GAB2: variants seen among roughly 807,000 people sequenced by gnomAD.
The protein encoded by GAB2 is GRB2-associated-binding protein 2.
In GAB2, 26 loss-of-function variants were observed where a neutral mutation model predicts 65.5. That is an observed-to-expected ratio of 0.40 (90% CI 0.29 to 0.55). GAB2 has a LOEUF of 0.55. Among genes scored for constraint, GAB2 ranks in the 20% least tolerant of loss-of-function variants. The probability of loss-of-function intolerance (pLI) is 0.53; values close to 1 mark genes in which losing one functional copy is unlikely to be tolerated. For synonymous variants in GAB2, 321 were observed against 329.6 expected (o/e 0.97, Z 0.28); for missense variants, 884 against 875.8 (o/e 1.01, Z -0.12).
intron 1 of GAB2, among the ~76,000 whole-genome samples, chr11:78,340,354 G>C (rs1015655265): frequency 6.6e-6 from 1 of 152,188 alleles, no homozygotes; most frequent in Non-Finnish European, 1.5e-5. Context: ...GATGAACAAA[G>C]ATGGGCTGAG....
At chr11:78,235,452 G>A (rs1374848938) in intron 3 of GAB2, among the ~76,000 whole-genome samples, 2 of 152,088 alleles carry the variant, frequency 1.3e-5, no homozygotes, top group African/African-American at 4.8e-5. Flanking sequence ...GCGCCCGGCT[G>A]GGTGTTTCTT....
intron 2 of GAB2, among the ~76,000 whole-genome samples, chr11:78,273,252 C>T (rs1866069727): frequency 2.0e-5 from 3 of 152,370 alleles, no homozygotes; most frequent in African/African-American, 7.2e-5. Context: ...ACAGCTTGCA[C>T]TGTGTGCCTG....
intron 1 of GAB2, among the ~76,000 whole-genome samples, chr11:78,322,588 T>C (rs1469212651): frequency 6.6e-6 from 1 of 151,750 alleles, no homozygotes; most frequent in Non-Finnish European, 1.5e-5. Flanking sequence ...AGAATCTTTA[T>C]CTAAGAACTT....
rs1565168251 is a variant in GAB2, at chr11:78,346,711, ATATATATATAAT to A, written c.76-65822_76-65811del. ...TATATATATATATATATATATATAT[ATATATATATAAT>A]TTTTTTTTTTTTTAGGAAAAGAAAC... On this transcript the variant is annotated intron_variant, in intron 1 of 9. Transcript: ENST00000361507. 1.2e-4 allele frequency among the ~76,000 whole-genome samples: 7 copies of A among 60,206 alleles called. No homozygotes were observed. The East Asian group carries it at 2.4e-3, about 21-fold the overall frequency. The allele number at this position is 60,206 out of a possible 152,430, so 39.5% of individuals were successfully genotyped here.
chr11:78,378,017 G>A (rs1856653141), intron 1 of GAB2, among the ~76,000 whole-genome samples: 1 of 152,200 alleles, frequency 6.6e-6, no homozygotes, highest in Non-Finnish European at 1.5e-5. Flanking sequence ...CCACGTGAGT[G>A]TCAGGTGAGG....
intron 1 of GAB2, among the ~76,000 whole-genome samples, chr11:78,301,045 C>T (rs574661236): frequency 1.1e-4 from 16 of 152,188 alleles, no homozygotes; most frequent in Admixed American, 9.8e-4. Context: ...TGGTAAGCAA[C>T]TTTCCATGTG....
At chr11:78,317,882 A>G (rs1414470558) in intron 1 of GAB2, among the ~76,000 whole-genome samples, 1 of 152,136 alleles carries the variant, frequency 6.6e-6, no homozygotes, top group Non-Finnish European at 1.5e-5. Flanking sequence ...AAGAAGATTA[A>G]ACTACATTAC....
At chr11:78,396,727 A>T (rs984032635) in intron 1 of GAB2, among the ~76,000 whole-genome samples, 1 of 152,142 alleles carries the variant, frequency 6.6e-6, no homozygotes, top group African/African-American at 2.4e-5. Context: ...CCACCCGAGC[A>T]GCTGAGATTA....
chr11:78,239,430 A>G (rs1189589250), intron 3 of GAB2, among the ~76,000 whole-genome samples: 4 of 152,154 alleles, frequency 2.6e-5, no homozygotes, highest in Non-Finnish European at 4.4e-5. Flanking sequence ...CATGTTGGTC[A>G]GGCTGGTCTT....
intron 1 of GAB2, among the ~76,000 whole-genome samples, chr11:78,408,399 T>C (rs1194293677): frequency 6.6e-6 from 1 of 152,060 alleles, no homozygotes; most frequent in African/African-American, 2.4e-5. Flanking sequence ...TATAGAGAGA[T>C]ACACTCAAAA....
chr11:78,242,932 G>A (rs1865181827), intron 3 of GAB2, among the ~76,000 whole-genome samples: 1 of 152,144 alleles, frequency 6.6e-6, no homozygotes, highest in Admixed American at 6.5e-5. Context: ...GGAGGCTGAG[G>A]CGGACAGATC....
intron 1 of GAB2, among the ~76,000 whole-genome samples, chr11:78,391,577 C>T (rs1856834542): frequency 6.6e-6 from 1 of 152,218 alleles, no homozygotes; most frequent in Admixed American, 6.5e-5. Flanking sequence ...TGAGAGGAAG[C>T]CTGGGCTCCA....
At chr11:78,319,936 T>C (rs1855690716) in intron 1 of GAB2, among the ~76,000 whole-genome samples, 1 of 151,170 alleles carries the variant, frequency 6.6e-6, no homozygotes, top group African/African-American at 2.4e-5. Context: ...AGTGCACCGG[T>C]GTGATCTCGG....
At chr11:78,246,636 T>C (rs940890372) in intron 3 of GAB2, among the ~76,000 whole-genome samples, 3 of 152,022 alleles carry the variant, frequency 2.0e-5, no homozygotes, top group Non-Finnish European at 2.9e-5. Context: ...GTAGCTGGGA[T>C]TACAGGGGCC....
intron 3 of GAB2, among the ~76,000 whole-genome samples, chr11:78,229,928 T>C (rs1864791263): frequency 6.6e-6 from 1 of 152,206 alleles, no homozygotes; most frequent in African/African-American, 2.4e-5. Context: ...CATTCTTACA[T>C]CCTCTACCTC....
chr11:78,347,486 C>T (rs1856210049), intron 1 of GAB2, among the ~76,000 whole-genome samples: 2 of 152,276 alleles, frequency 1.3e-5, no homozygotes, highest in South Asian at 4.1e-4. Flanking sequence ...GTTAATACTT[C>T]TGAGACTTCT....
intron 1 of GAB2, among the ~76,000 whole-genome samples, chr11:78,380,822 T>C (rs1300431257): frequency 8.6e-6 from 1 of 115,924 alleles, no homozygotes; most frequent in Non-Finnish European, 1.6e-5. Context: ...GCGCCAGAGA[T>C]AAGACCATCT....
intron 2 of GAB2, among the ~76,000 whole-genome samples, chr11:78,255,391 C>T (rs1365465485): frequency 6.6e-6 from 1 of 152,158 alleles, no homozygotes; most frequent in Non-Finnish European, 1.5e-5. Context: ...TCCTAGGAAA[C>T]CAATATATAC....
rs556939816 is a variant in GAB2 at position 78,292,343 on chromosome 11, C to T, written c.76-11442G>A. Among the ~76,000 whole-genome samples the T allele has an allele frequency of 3.6e-4, 55 of 152,258 alleles. 1 individual carries two copies. Among genetic ancestry groups the T allele is most frequent in the African/African-American group, 1.2e-3 (51 of 41,540 alleles). On this transcript the variant is annotated intron_variant, in intron 1 of 9. Transcript: ENST00000361507. ...CTTCTACAACCTTAGCCACAAGGCA[C>T]GTGAGATTTGGTATCAGAAAAGATG...
Sources: gnomAD v4.1 joint callset for allele counts (sites outside exome capture counted in the v4.1 genomes callset) on GRCh38, gnomAD v4.1.1 for gene constraint, MANE v1.5 for transcripts, NCBI Gene and HGNC (gene_info 2026-07-23, HGNC 2026-07-21) for gene names.